KCTD9: variants seen among roughly 807,000 people sequenced by gnomAD.
KCTD9 encodes BTB/POZ domain-containing protein KCTD9.
A neutral mutation model predicts 53.3 loss-of-function variants in KCTD9; 17 were observed. The observed-to-expected ratio is 0.32, with a 90% CI of 0.22 to 0.48. The LOEUF (loss-of-function observed/expected upper bound fraction) is 0.48, where lower values mean the gene tolerates loss of function less well. KCTD9 is among the 20% of genes least tolerant of loss of function. The pLI is 0.99. For missense variants in KCTD9, 179 were observed against 465.5 expected (o/e 0.38, Z 5.66); for synonymous variants, 128 against 162.7 (o/e 0.79, Z 1.62).
chr8:25,448,578 TG>T (rs371898537), intron 1 of KCTD9, among the ~76,000 whole-genome samples: 1 of 152,304 alleles, frequency 6.6e-6, no homozygotes, highest in African/African-American at 2.4e-5. Context: ...GCAAAGCACT[TG>T]GCACAGTGTC....
At chr8:25,445,184 C>T (rs1802193594) in intron 2 of KCTD9, among the ~76,000 whole-genome samples, 1 of 152,100 alleles carries the variant, frequency 6.6e-6, no homozygotes, top group African/African-American at 2.4e-5. Flanking sequence ...TATAGTATTT[C>T]CTACTTGTTC....
At chr8:25,455,115 A>C (rs11135866) in intron 1 of KCTD9, among the ~76,000 whole-genome samples, 146,121 of 152,122 alleles carry the variant, frequency 0.96, 70,396 homozygotes, top group Non-Finnish European at 1. Flanking sequence ...ATCCCAGCTA[A>C]GCAAGAGGCT....
intron 1 of KCTD9, among the ~76,000 whole-genome samples, chr8:25,454,947 C>G (rs902544560): frequency 1.3e-5 from 2 of 152,014 alleles, no homozygotes; most frequent in African/African-American, 2.4e-5. Flanking sequence ...TAAAATAAGC[C>G]GGGCATGGTG....
rs201752732 is a variant in KCTD9 at position 25,439,571 on chromosome 8, T to C, written c.370+35A>G. On this transcript the variant is annotated intron_variant, in intron 5 of 11. Coordinates refer to ENST00000221200, the MANE Select transcript of KCTD9 (RefSeq NM_017634.4). ...AAAGTCAGCACAGATATAAAACAGG[T>C]AAGATGAAATGTGAAAACAACGTGT... 22 of 1,609,014 alleles carry C rather than the reference T, an allele frequency of 1.4e-5. No homozygotes were observed. In the East Asian group the frequency reaches 2.7e-4, roughly 20 times the overall value.
Position 25,439,476 on chromosome 8 carries a change from A to G in KCTD9, c.371-69T>C. The G allele has an allele frequency of 1.9e-6, 3 of 1,566,648 alleles. No homozygotes were observed. In the African/African-American group the frequency reaches 4.1e-5, roughly 22 times the overall value. ...ATAAAGTCAGAAATGTATGAGGAAA[A>G]AATTGCTAAATATAAGTTTTTACTC... On this transcript the variant is annotated intron_variant, in intron 5 of 11. Coordinates refer to ENST00000221200, the MANE Select transcript of KCTD9 (RefSeq NM_017634.4).
chr8:25,437,596 T>C (rs1014915957), intron 6 of KCTD9, among the ~76,000 whole-genome samples: 1 of 151,968 alleles, frequency 6.6e-6, no homozygotes, highest in African/African-American at 2.4e-5. Flanking sequence ...GAGAATGGCG[T>C]GAATCCAGGA....
At chr8:25,438,738 T>C (rs1344418594) in intron 6 of KCTD9, among the ~76,000 whole-genome samples, 1 of 152,264 alleles carries the variant, frequency 6.6e-6, no homozygotes, top group African/African-American at 2.4e-5. Flanking sequence ...TCTTGTGATG[T>C]AGATAGGGTC....
At chr8:25,451,496 C>G (rs1802318918) in intron 1 of KCTD9, 1 of 152,116 alleles carries the variant, frequency 6.6e-6, no homozygotes, top group Non-Finnish European at 1.5e-5. Flanking sequence ...CACCATGTGG[C>G]CTGATGTTTC....
chr8:25,450,430 A>AGTAG (rs1460695146), intron 1 of KCTD9: 23 of 984,480 alleles, frequency 2.3e-5, no homozygotes, highest in Non-Finnish European at 2.5e-5. Context: ...TGAGTGTTGA[A>AGTAG]GTAGGACACA....
At position 25,456,933 on chromosome 8, in the gene KCTD9, T is replaced by C. The variant is rs1506872; in HGVS notation, c.48+1266A>G. ...CTAAATCTTTCTTAGAGTAACAACA[T>C]ACGTTTTAGATAACAGGTAGTAGCT... On this transcript the variant is annotated intron_variant, in intron 1 of 11. Transcript: ENST00000221200. 5.7e-3 allele frequency among the ~76,000 whole-genome samples: 862 copies of C among 152,320 alleles called. 5 individuals carry two copies. Among genetic ancestry groups the C allele is most frequent in the Middle Eastern group, 0.01 (3 of 294 alleles).
rs768364318 is a variant in KCTD9, at chr8:25,439,228, AC to A, written c.499+50del. 3.0e-6 allele frequency: 4 copies of A among 1,330,064 alleles called. No individual in the cohort carries two copies. In the South Asian group the frequency reaches 5.5e-5, roughly 18 times the overall value. 82.4% of individuals were successfully genotyped at this position (1,330,064 alleles called of 1,614,324 possible). A position where few individuals can be genotyped will look rare whatever the true frequency, so the allele number is the denominator to read the frequency against. The stretch of plus-strand genomic sequence containing the variant: ...GAAACAAAGTTAAAATCTTAAACTT[AC>A]AAAAATGTGAGTAGTTACATAATTA... On this transcript the variant is annotated intron_variant, in intron 6 of 11. Transcript: ENST00000221200.
At chr8:25,430,026 TC>T in intron 11 of KCTD9, 53 bp from the exon 12 acceptor site, 1 of 977,958 alleles carries the variant, frequency 1.0e-6, no homozygotes, top group Non-Finnish European at 1.7e-6. Context: ...TCAGGCCTTA[TC>T]TATTTCTGCT....
In KCTD9 at chr8:25,437,832, A is replaced by G. The variant is rs556172521; in HGVS notation, c.500-1347T>C. Among the ~76,000 whole-genome samples, 22 of 127,028 alleles carry G rather than the reference A, an allele frequency of 1.7e-4. No individual in the cohort carries two copies. In the East Asian group the frequency reaches 3.4e-3, roughly 19 times the overall value. 83.3% of individuals were successfully genotyped at this position (127,028 alleles called of 152,430 possible). A position where few individuals can be genotyped will look rare whatever the true frequency, so the allele number is the denominator to read the frequency against. ...CATTGCACTCCAGCCTGGGTGACAG[A>G]GCGAGACCCTGTCTCAAAAAAAAAA... On this transcript the variant is annotated intron_variant, in intron 6 of 11. Transcript: ENST00000221200.
rs183676649 is a variant in KCTD9 at position 25,432,558 on chromosome 8, T to C, written c.999A>G (p.Ala333=). ...INLRVATLKN[A]KLKNCNLRGA... The stretch of plus-strand genomic sequence containing the variant: ...CTCTGAGGTTACAGTTCTTCAACTT[T>C]GCATTTTTTAAGGTAGCCACTCTCA... The change falls in exon 11 of 12, where the codon GCA becomes GCG. Residue 333 remains alanine (A), a synonymous_variant. Coordinates refer to ENST00000221200, the MANE Select transcript of KCTD9 (RefSeq NM_017634.4). 9.9e-6 allele frequency: 16 copies of C among 1,613,610 alleles called. No individual in the cohort carries two copies. The East Asian group carries it at 3.3e-4, about 34-fold the overall frequency.
chr8:25,456,772 T>A (rs1388867707), intron 1 of KCTD9, among the ~76,000 whole-genome samples: 1 of 152,162 alleles, frequency 6.6e-6, no homozygotes, highest in Non-Finnish European at 1.5e-5. Context: ...TTGAGTGGAT[T>A]TGGGAGAGAT....
intron 3 of KCTD9, among the ~76,000 whole-genome samples, chr8:25,441,836 C>CA (rs1802128665): frequency 6.6e-6 from 1 of 151,808 alleles, no homozygotes; most frequent in African/African-American, 2.4e-5. Flanking sequence ...CCCATCTCTA[C>CA]AAAAAATACA....
At chr8:25,432,756 T>C (rs1354883260) in intron 10 of KCTD9, 119 bp from the exon 11 acceptor site, 1 of 867,128 alleles carries the variant, frequency 1.2e-6, no homozygotes. Flanking sequence ...ATCTAAAATC[T>C]TGTCTCTCAA....
chr8:25,435,857 AAC>A (rs1157188907), intron 8 of KCTD9, among the ~76,000 whole-genome samples: 1 of 152,182 alleles, frequency 6.6e-6, no homozygotes, highest in African/African-American at 2.4e-5. Flanking sequence ...AGTAATTCAA[AAC>A]AGTTTATTAG....
At chr8:25,449,330 G>A (rs986357396) in intron 1 of KCTD9, among the ~76,000 whole-genome samples, 1 of 152,130 alleles carries the variant, frequency 6.6e-6, no homozygotes, top group Admixed American at 6.5e-5. Context: ...TTACATCTCA[G>A]TATGGCTTTC....
Sources: gnomAD v4.1 joint callset for allele counts (sites outside exome capture counted in the v4.1 genomes callset) on GRCh38, gnomAD v4.1.1 for gene constraint, MANE v1.5 for transcripts, NCBI Gene and HGNC (gene_info 2026-07-23, HGNC 2026-07-21) for gene names.